The following SLC26A1 variants were observed in gnomAD, a reference collection of about 807,000 sequenced individuals.
The protein encoded by SLC26A1 is sulfate anion transporter 1.
Under a neutral mutation model 14.5 loss-of-function variants are expected in SLC26A1, and 18 were observed. The ratio of observed to expected loss-of-function variants is 1.24; its 90% CI spans 0.86 to 1.84. The LOEUF (loss-of-function observed/expected upper bound fraction) is 1.84, where lower values mean the gene tolerates loss of function less well. Ranked by LOEUF, SLC26A1 falls within the 40% of genes most tolerant of loss-of-function variation. The pLI, the probability that SLC26A1 is intolerant of heterozygous loss-of-function variation, is 0.00. For missense variants in SLC26A1, 1,049 were observed against 1,020.0 expected (o/e 1.03, Z -0.39); for synonymous variants, 505 against 492.0 (o/e 1.03, Z -0.35).
Position 989,492 on chromosome 4 carries a change from G to A in SLC26A1, c.1447C>T (p.Leu483=). ...AGCAGCCCGGCCTCTGTGCTGACCA[G>A]CATACAGGTGGCCGCGGTGCCTGCC... ...VWAGTAATCM[L]VSTEAGLLAG... Residue 483 remains leucine, a synonymous_variant, in exon 3 of 3, where the codon CTG becomes TTG. Transcript: ENST00000398516. 6.4e-7 allele frequency: 1 copy of A among 1,553,974 alleles called. No homozygotes were observed. The highest frequency in any genetic ancestry group is 8.7e-7 in the Non-Finnish European group (1 of 1,149,248).
At chr4:991,823 C>T in intron 1 of SLC26A1, 93 bp from the exon 2 acceptor site, 1 of 1,533,000 alleles carries the variant, frequency 6.5e-7, no homozygotes, top group Non-Finnish European at 8.7e-7. Context: ...TGGGGCGGAC[C>T]CCTCGCCCAC....
At chr4:979,195 T>A in exon 3 of SLC26A1, 2 of 527,190 alleles carry the variant, frequency 3.8e-6, no homozygotes, top group East Asian at 6.2e-5. Flanking sequence ...ACTGGTTACA[T>A]CATCCACATG....
In SLC26A1 at chr4:989,574, G is replaced by A. The variant is rs771393232; in HGVS notation, c.1365C>T (p.Arg455=). Residue 455 remains arginine (R), a synonymous_variant, in exon 3 of 3, where the codon CGC becomes CGT. Coordinates refer to ENST00000398516, the MANE Select transcript of SLC26A1 (RefSeq NM_022042.4). ...ACAGCCGCGGGAGGTCCCACACCTT[G>A]CGCAGGGCCCCCCGCAGGCTGACCA... ...VIVVSLRGAL[R]KVWDLPRLWR... The A allele has an allele frequency of 3.1e-6, 5 of 1,594,000 alleles. No individual in the cohort carries two copies. The highest frequency in any genetic ancestry group is 3.4e-4 in the Middle Eastern group (2 of 5,940).
downstream of SLC26A1, chr4:987,317 A>G: frequency 7.5e-7 from 1 of 1,333,520 alleles, no homozygotes; most frequent in Admixed American, 2.2e-5. Flanking sequence ...GCGCACTGTG[A>G]GAGCTTCAGA....
chr4:990,981 C>T (rs116514520), intron 2 of SLC26A1, 147 bp downstream of exon 2: 277 of 818,310 alleles, frequency 3.4e-4, no homozygotes, highest in Non-Finnish European at 3.9e-4. Flanking sequence ...TGCCCCGGCA[C>T]GCCCCAGCTC....
In SLC26A1 at chr4:987,931, T is replaced by C. The variant is rs2153015695; in HGVS notation, c.*902A>G. The C allele has an allele frequency of 6.3e-7, 1 of 1,590,416 alleles. No individual in the cohort carries two copies. The highest frequency in any genetic ancestry group is 1.1e-5 in the South Asian group (1 of 88,214). ...AAGCAGGTCCGGACCCACTGGCTGC[T>C]GGAGCTTGTCACCACCAGGTGGGCG... On this transcript the variant is annotated 3_prime_UTR_variant, in exon 3 of 3. Coordinates refer to ENST00000398516, the MANE Select transcript of SLC26A1 (RefSeq NM_022042.4).
rs79565702 is a variant in SLC26A1 at position 982,159 on chromosome 4, C to T, written c.577-2655G>A. Among the ~76,000 whole-genome samples the T allele has an allele frequency of 5.9e-5, 9 of 152,316 alleles. No individual in the cohort carries two copies. The East Asian group carries it at 1.7e-3, about 29-fold the overall frequency. ...TTAAAACCACAAGTGACTGGCTGAC[C>T]CCAGGCTCTCCTGGGACAGAGGCTG... is the stretch of plus-strand genomic sequence containing the variant. On this transcript the variant is annotated intron_variant, in intron 2 of 2. Coordinates refer to the SLC26A1 transcript ENST00000398520.
Position 989,213 on chromosome 4 carries a change from C to A in SLC26A1, c.1726G>T (p.Gly576Trp), listed in dbSNP as rs769404125. ...AGCMAARRKE[G>W]GSETGVGEGG... ...TCACCGACCCCCGTCTCTGAGCCCC[C>A]CTCCTTCCTCCTGGCAGCCATGCAC... Residue 576 changes from glycine (G) to tryptophan (W), a missense_variant, in exon 3 of 3, where the codon GGG (glycine) becomes TGG (tryptophan). Physicochemically the swap from Gly to Trp is radical, Grantham distance 184. Coordinates refer to ENST00000398516, the MANE Select transcript of SLC26A1 (RefSeq NM_022042.4). The A allele has an allele frequency of 2.5e-6, 4 of 1,610,130 alleles. No homozygotes were observed. Among genetic ancestry groups the A allele is most frequent in the East Asian group, 4.5e-5 (2 of 44,798 alleles).
chr4:979,366 C>G (rs777224652), exon 3 of SLC26A1: 1 of 1,151,214 alleles, frequency 8.7e-7, no homozygotes, highest in Non-Finnish European at 1.3e-6. Context: ...GTGAGGGTCC[C>G]GCATTCTCGA....
Position 990,375 on chromosome 4 carries a change from T to C in SLC26A1, c.577-13A>G, listed in dbSNP as rs750809401. The C allele has an allele frequency of 8.2e-6, 13 of 1,580,406 alleles. No individual in the cohort carries two copies. The highest frequency in any genetic ancestry group is 9.5e-6 in the Non-Finnish European group (11 of 1,163,242). ...CGCCCATGAGGACCTGTGGACGGAG[T>C]GCGGTCAGGCCAGCAGGCGCCTGGC... On this transcript the variant is annotated splice_polypyrimidine_tract_variant and intron_variant, in intron 2 of 2. Coordinates refer to ENST00000398516, the MANE Select transcript of SLC26A1 (RefSeq NM_022042.4).
At chr4:985,476 G>T (rs1384207062), downstream of SLC26A1, among the ~76,000 whole-genome samples, 1 of 152,254 alleles carries the variant, frequency 6.6e-6, no homozygotes. Context: ...CTGCACCACG[G>T]TGTGGGACTG....
At chr4:980,807 A>C (rs1441527435) in intron 2 of SLC26A1, among the ~76,000 whole-genome samples, 1 of 151,996 alleles carries the variant, frequency 6.6e-6, no homozygotes, top group Non-Finnish European at 1.5e-5. Context: ...GAAACTAAAA[A>C]CCAGGGTTTA....
In SLC26A1 at chr4:989,173, T is replaced by A; in HGVS notation, c.1766A>T (p.Gln589Leu). Residue 589 changes from glutamine (Q) to leucine (L), a missense_variant, in exon 3 of 3, where the codon CAG becomes CTG. Coordinates refer to ENST00000398516, the MANE Select transcript of SLC26A1 (RefSeq NM_022042.4). ...ETGVGEGGPAQGEDLGPVSTR... is the reference protein window; with the variant it reads ...ETGVGEGGPALGEDLGPVSTR... ...GCTAACCGGGCCCAGGTCCTCGCCC[T>A]GGGCAGGGCCTCCCTCACCGACCCC... 1 of 1,607,176 alleles carries A rather than the reference T, an allele frequency of 6.2e-7. No homozygotes were observed. The highest frequency in any genetic ancestry group is 2.2e-5 in the East Asian group (1 of 44,692).
rs540589827 is a variant in SLC26A1, at chr4:980,821, C to T, written c.577-1317G>A. On this transcript the variant is annotated intron_variant, in intron 2 of 2. Coordinates refer to the SLC26A1 transcript ENST00000398520. ...AGAAACTAAAAACCAGGGTTTAGGG[C>T]AGATGAAAGCCTAAACAGAAAGAAG... Among the ~76,000 whole-genome samples the T allele has an allele frequency of 2.1e-4, 32 of 151,958 alleles. 1 individual carries two copies. Among genetic ancestry groups the T allele is most frequent in the Middle Eastern group, 3.4e-3 (1 of 294 alleles).
chr4:988,805 C>G lies in SLC26A1; in HGVS notation c.*28G>C, dbSNP rs753026575. 1 of 1,524,768 alleles carries G rather than the reference C, an allele frequency of 6.6e-7. No homozygotes were observed. The highest frequency in any genetic ancestry group is 8.8e-7 in the Non-Finnish European group (1 of 1,135,772). The allele number at this position is 1,524,768 out of a possible 1,614,324, so 94.5% of individuals were successfully genotyped here. Reference sequence around the variant, plus strand: ...TCTGCTGTGGGTCCCCAGGAGGGAGCAGAGGCTGCTGGGCAGGCCTGGCCC... The same window carrying G: ...TCTGCTGTGGGTCCCCAGGAGGGAGGAGAGGCTGCTGGGCAGGCCTGGCCC... On this transcript the variant is annotated 3_prime_UTR_variant, in exon 3 of 3. Transcript: ENST00000398516.
At position 988,723 on chromosome 4, in the gene SLC26A1, A is replaced by G. The variant is rs1713948254; in HGVS notation, c.*110T>C. On this transcript the variant is annotated 3_prime_UTR_variant, in exon 3 of 3. Coordinates refer to ENST00000398516, the MANE Select transcript of SLC26A1 (RefSeq NM_022042.4). Reference sequence around the variant, plus strand: ...TTCCCCAGGGCAGCTGTGGCACAAGAGTGCAGCTCTTGGGTGGCTCCTCCC... The same window carrying G: ...TTCCCCAGGGCAGCTGTGGCACAAGGGTGCAGCTCTTGGGTGGCTCCTCCC... The G allele has an allele frequency of 7.0e-7, 1 of 1,424,226 alleles. No homozygotes were observed. 88.2% of individuals were successfully genotyped at this position (1,424,226 alleles called of 1,614,324 possible).
At position 989,426 on chromosome 4, in the gene SLC26A1, T is replaced by C; in HGVS notation, c.1513A>G (p.Thr505Ala). The change falls in exon 3 of 3, where the codon ACC (threonine) becomes GCC (alanine). Residue 505 changes from threonine (T) to alanine (A), a missense_variant. Coordinates refer to ENST00000398516, the MANE Select transcript of SLC26A1 (RefSeq NM_022042.4). The part of the protein sequence containing the change: ...ILSLLSLAGR[T>A]QRPRTALLAR... ...AGCAGGGCGGTGCGTGGGCGTTGGG[T>C]GCGGCCGGCCAGGCTGAGCAGCGAG... 4 of 1,555,318 alleles carry C rather than the reference T, an allele frequency of 2.6e-6. No homozygotes were observed. Among genetic ancestry groups the C allele is most frequent in the Non-Finnish European group, 3.5e-6 (4 of 1,149,826 alleles).
At chr4:982,381 G>A (rs1472896452) in intron 2 of SLC26A1, among the ~76,000 whole-genome samples, 1 of 152,212 alleles carries the variant, frequency 6.6e-6, no homozygotes, top group East Asian at 1.9e-4. Context: ...TGCCAAGTGT[G>A]GGAGGAGGTC....
chr4:980,586 CAAAAAA>C (rs57819047), intron 2 of SLC26A1, among the ~76,000 whole-genome samples: 1 of 50,932 alleles, frequency 2.0e-5, no homozygotes, highest in Non-Finnish European at 4.3e-5. Context: ...AACTCCATCT[CAAAAAA>C]AAAAAAAAAA....
Sources: allele counts gnomAD v4.1 joint callset (sites outside exome capture counted in the v4.1 genomes callset), GRCh38; gene constraint gnomAD v4.1.1; transcripts MANE v1.5; gene names NCBI Gene and HGNC (gene_info 2026-07-23, HGNC 2026-07-21).